Variants in RBMS3 observed in about 807,000 individuals in gnomAD.
The protein encoded by RBMS3 is RNA-binding motif, single-stranded-interacting protein 3.
RBMS3 carries 27 observed loss-of-function variants against 66.8 expected under a neutral mutation model. The ratio of observed to expected loss-of-function variants is 0.40; its 90% CI spans 0.30 to 0.56. The LOEUF (loss-of-function observed/expected upper bound fraction) is 0.56. RBMS3 is among the 20% of genes least tolerant of loss of function. The pLI, the probability that RBMS3 is intolerant of heterozygous loss-of-function variation, is 0.40. For missense variants in RBMS3, 513 were observed against 549.5 expected, an observed-to-expected ratio of 0.93 and a Z score of 0.66; for synonymous variants, 188 against 183.0, an observed-to-expected ratio of 1.03 and a Z score of -0.22.
chr3:29,796,815 C>T (rs768628355), intron 6 of RBMS3, among the ~76,000 whole-genome samples: 15 of 150,280 alleles, frequency 1.0e-4, no homozygotes, highest in African/African-American at 2.5e-4. Context: ...TGGGTTCAAG[C>T]GATTCTCCTG....
At chr3:29,712,867 C>G (rs2053233553) in intron 4 of RBMS3, among the ~76,000 whole-genome samples, 1 of 152,152 alleles carries the variant, frequency 6.6e-6, no homozygotes, top group Non-Finnish European at 1.5e-5. Flanking sequence ...TGAAATACAT[C>G]TCCAGTTTCC....
At chr3:29,612,171 A>G in intron 4 of RBMS3, among the ~76,000 whole-genome samples, 1 of 152,202 alleles carries the variant, frequency 6.6e-6, no homozygotes, top group East Asian at 1.9e-4. Flanking sequence ...GTTATTATGA[A>G]TAACAACATA....
chr3:29,343,462 GA>G (rs999699791), intron 1 of RBMS3, among the ~76,000 whole-genome samples: 4 of 150,720 alleles, frequency 2.7e-5, no homozygotes, highest in African/African-American at 4.9e-5. Flanking sequence ...CTTGCTACTT[GA>G]AAAAAAAATT....
At chr3:29,735,972 A>ATT (rs1265101145) in intron 4 of RBMS3, among the ~76,000 whole-genome samples, 1 of 152,156 alleles carries the variant, frequency 6.6e-6, no homozygotes, top group Non-Finnish European at 1.5e-5. Context: ...GATCTTTTTG[A>ATT]TTGCAGTTAT....
chr3:29,968,206 C>CG (rs1553710064), intron 12 of RBMS3, among the ~76,000 whole-genome samples: 1 of 152,048 alleles, frequency 6.6e-6, no homozygotes, highest in Non-Finnish European at 1.5e-5. Flanking sequence ...GGCCTGCCCC[C>CG]GTAACAGTCT....
At chr3:29,798,889 T>C (rs2057299547) in intron 6 of RBMS3, among the ~76,000 whole-genome samples, 1 of 152,164 alleles carries the variant, frequency 6.6e-6, no homozygotes, top group Admixed American at 6.5e-5. Context: ...TACACCCAAG[T>C]TCTTTTTGCA....
chr3:29,346,911 T>G (rs907342930), intron 1 of RBMS3, among the ~76,000 whole-genome samples: 4 of 152,224 alleles, frequency 2.6e-5, no homozygotes, highest in African/African-American at 9.6e-5. Context: ...TCCTTTGGCC[T>G]GCAAACATAA....
intron 4 of RBMS3, among the ~76,000 whole-genome samples, chr3:29,733,241 C>G (rs2054210925): frequency 6.6e-6 from 1 of 151,986 alleles, no homozygotes; most frequent in Non-Finnish European, 1.5e-5. Flanking sequence ...GATAATTCAT[C>G]TTGAGATAGC....
intron 5 of RBMS3, among the ~76,000 whole-genome samples, chr3:29,761,761 T>C (rs532240072): frequency 9.2e-5 from 14 of 152,280 alleles, no homozygotes; most frequent in Admixed American, 6.5e-5. Flanking sequence ...ACAACTTGAG[T>C]TGATGGGCAC....
chr3:29,760,911 C>T (rs2055655260), intron 5 of RBMS3, among the ~76,000 whole-genome samples: 1 of 151,950 alleles, frequency 6.6e-6, no homozygotes, highest in Non-Finnish European at 1.5e-5. Flanking sequence ...TTTATTTGGA[C>T]ATCAAATTGA....
intron 4 of RBMS3, among the ~76,000 whole-genome samples, chr3:29,707,961 C>T (rs1426352196): frequency 6.6e-6 from 1 of 152,156 alleles, no homozygotes; most frequent in East Asian, 1.9e-4. Context: ...GTGATTGGCT[C>T]AGCCTGTGGG....
At chr3:29,683,939 G>A (rs1200443734) in intron 4 of RBMS3, among the ~76,000 whole-genome samples, 1 of 152,128 alleles carries the variant, frequency 6.6e-6, no homozygotes, top group Non-Finnish European at 1.5e-5. Flanking sequence ...ATATATTTAG[G>A]ATCTTTTTTC....
intron 10 of RBMS3, 22 bp from the exon 11 acceptor site, chr3:29,936,064 T>G (rs764045948): frequency 6.3e-7 from 1 of 1,580,190 alleles, no homozygotes; most frequent in East Asian, 2.2e-5. Context: ...TATTTTCAAA[T>G]GGACATTGTA....
chr3:29,568,380 A>C (rs536090812), intron 3 of RBMS3, among the ~76,000 whole-genome samples: 106 of 152,350 alleles, frequency 7.0e-4, no homozygotes, highest in African/African-American at 2.5e-3. Context: ...AAAAATATAA[A>C]GATTTGTTAT....
chr3:29,603,246 T>C (rs566054389), intron 4 of RBMS3, among the ~76,000 whole-genome samples: 28 of 152,054 alleles, frequency 1.8e-4, no homozygotes, highest in African/African-American at 6.5e-4. Context: ...TAATTAAAGC[T>C]CAAAGAGCCT....
intron 7 of RBMS3, chr3:29,880,796 T>C (rs769300943): frequency 3.0e-5 from 46 of 1,536,114 alleles, no homozygotes; most frequent in Non-Finnish European, 1.2e-5. Context: ...GAGGCAGGAC[T>C]GTCCCTAGGC....
At chr3:29,819,473 G>A (rs2058015561) in intron 6 of RBMS3, among the ~76,000 whole-genome samples, 1 of 152,064 alleles carries the variant, frequency 6.6e-6, no homozygotes, top group East Asian at 1.9e-4. Flanking sequence ...ATTAGCAAGG[G>A]TATTTTTAAA....
At chr3:29,488,354 T>G (rs959452533) in intron 2 of RBMS3, 87 bp from the exon 3 acceptor site, 2 of 1,131,798 alleles carry the variant, frequency 1.8e-6, no homozygotes, top group Non-Finnish European at 2.6e-6. Context: ...CATGCTCAGT[T>G]GTGTGTGCCC....
At chr3:29,682,410 C>T (rs1469715376) in intron 4 of RBMS3, among the ~76,000 whole-genome samples, 1 of 152,208 alleles carries the variant, frequency 6.6e-6, no homozygotes, top group Non-Finnish European at 1.5e-5. Context: ...GCCTTGGCCT[C>T]CCAAAGTGCG....
Sources: gnomAD v4.1 joint callset for allele counts (sites outside exome capture counted in the v4.1 genomes callset) on GRCh38, gnomAD v4.1.1 for gene constraint, MANE v1.5 for transcripts, NCBI Gene and HGNC (gene_info 2026-07-23, HGNC 2026-07-21) for gene names.